MB21D2: variants seen among roughly 807,000 people sequenced by gnomAD.
MB21D2 encodes Mab-21 domain containing 2, also known as nucleotidyltransferase MB21D2.
Under a neutral mutation model 33.3 loss-of-function variants are expected in MB21D2, and 9 were observed. That is an observed-to-expected ratio of 0.27 (90% CI 0.16 to 0.47). The LOEUF (loss-of-function observed/expected upper bound fraction) is 0.47. Ranked by LOEUF, MB21D2 falls within the 20% of genes least tolerant of loss-of-function variation. MB21D2 has a pLI of 0.99. For synonymous variants in MB21D2, 241 were observed against 236.3 expected, an observed-to-expected ratio of 1.02 and a Z score of -0.18; for missense variants, 540 against 624.6, an observed-to-expected ratio of 0.86 and a Z score of 1.44.
At chr3:192,893,532 G>T (rs1713899765) in intron 1 of MB21D2, among the ~76,000 whole-genome samples, 1 of 152,184 alleles carries the variant, frequency 6.6e-6, no homozygotes, top group Non-Finnish European at 1.5e-5. Context: ...AGTGACAGAA[G>T]AAGGCTGCCA....
intron 1 of MB21D2, among the ~76,000 whole-genome samples, chr3:192,873,066 G>A (rs1303288280): frequency 6.6e-6 from 1 of 151,854 alleles, no homozygotes; most frequent in African/African-American, 2.4e-5. Flanking sequence ...ATACACCCTT[G>A]TCCTCTACAC....
intron 1 of MB21D2, among the ~76,000 whole-genome samples, chr3:192,847,989 A>C (rs571872264): frequency 3.3e-4 from 50 of 152,304 alleles, no homozygotes; most frequent in Admixed American, 1.0e-3. Context: ...ACCAACCAAA[A>C]TACATTTATG....
intron 1 of MB21D2, among the ~76,000 whole-genome samples, chr3:192,848,832 A>C (rs1260271768): frequency 1.3e-5 from 2 of 152,240 alleles, no homozygotes; most frequent in African/African-American, 4.8e-5. Flanking sequence ...AAACCCATCC[A>C]GCAAAACCAG....
At chr3:192,892,641 C>T (rs2108647631) in intron 1 of MB21D2, among the ~76,000 whole-genome samples, 1 of 152,206 alleles carries the variant, frequency 6.6e-6, no homozygotes, top group Middle Eastern at 3.4e-3. Context: ...CGGGGTTTCA[C>T]CATGTTGGCC....
chr3:192,831,088 C>T (rs754436051), intron 1 of MB21D2, among the ~76,000 whole-genome samples: 3 of 152,160 alleles, frequency 2.0e-5, no homozygotes, highest in Admixed American at 6.5e-5. Flanking sequence ...AATAGGTAAA[C>T]GTGATAGTAT....
rs533174504 is a variant in MB21D2 at position 192,884,646 on chromosome 3, C to T, written c.211+32984G>A. On this transcript the variant is annotated intron_variant, in intron 1 of 1. Coordinates refer to ENST00000392452, the MANE Select transcript of MB21D2 (RefSeq NM_178496.4). ...CCTCCCAAAGTGCTGGCATTACAGGCGTGAGCCATCGCACCCGGCCAGAGG... is the reference window on the plus strand; with the variant it reads ...CCTCCCAAAGTGCTGGCATTACAGGTGTGAGCCATCGCACCCGGCCAGAGG... 6.0e-4 allele frequency among the ~76,000 whole-genome samples: 92 copies of T among 152,108 alleles called. 1 individual carries two copies. The highest frequency in any genetic ancestry group is 1.9e-3 in the African/African-American group (77 of 41,414).
At chr3:192,882,311 G>A (rs964504203) in intron 1 of MB21D2, among the ~76,000 whole-genome samples, 2 of 152,062 alleles carry the variant, frequency 1.3e-5, no homozygotes, top group Admixed American at 6.5e-5. Flanking sequence ...CCGACCTCAG[G>A]TGATCTGCCT....
intron 1 of MB21D2, among the ~76,000 whole-genome samples, chr3:192,871,024 G>A (rs75991864): frequency 0.014 from 2,170 of 152,206 alleles, 59 homozygotes; most frequent in African/African-American, 0.049. Context: ...TTGTAACATG[G>A]GGATAAGGAC....
At chr3:192,820,092 A>T (rs1428070884) in intron 1 of MB21D2, among the ~76,000 whole-genome samples, 1 of 152,182 alleles carries the variant, frequency 6.6e-6, no homozygotes, top group Non-Finnish European at 1.5e-5. Flanking sequence ...TACATAAATA[A>T]GTGTGTTTGT....
At chr3:192,838,427 A>AC (rs1712492028) in intron 1 of MB21D2, among the ~76,000 whole-genome samples, 1 of 126,612 alleles carries the variant, frequency 7.9e-6, no homozygotes, top group Non-Finnish European at 1.6e-5. Flanking sequence ...TAATCTGTGG[A>AC]CTTTTTTTTT....
At chr3:192,845,680 A>C (rs1451658151) in intron 1 of MB21D2, among the ~76,000 whole-genome samples, 1 of 152,232 alleles carries the variant, frequency 6.6e-6, no homozygotes, top group Non-Finnish European at 1.5e-5. Context: ...GAAATGTCAA[A>C]TATCACTCTG....
At chr3:192,906,645 A>G (rs1406589290) in intron 1 of MB21D2, among the ~76,000 whole-genome samples, 1 of 152,134 alleles carries the variant, frequency 6.6e-6, no homozygotes, top group Non-Finnish European at 1.5e-5. Context: ...CACCATCATC[A>G]TATTCTTTGC....
intron 1 of MB21D2, among the ~76,000 whole-genome samples, chr3:192,875,193 A>G (rs1162493625): frequency 5.3e-5 from 8 of 152,176 alleles, no homozygotes; most frequent in Non-Finnish European, 7.3e-5. Context: ...ATTAGACATC[A>G]TTTATTACTT....
intron 1 of MB21D2, among the ~76,000 whole-genome samples, chr3:192,887,860 G>A (rs1713766470): frequency 6.6e-6 from 1 of 152,022 alleles, no homozygotes. Context: ...CTGGGACCTT[G>A]TGGAGATGCA....
At chr3:192,900,616 G>A (rs1714076613) in intron 1 of MB21D2, among the ~76,000 whole-genome samples, 1 of 151,386 alleles carries the variant, frequency 6.6e-6, no homozygotes, top group East Asian at 1.9e-4. Context: ...ATGAAGATTT[G>A]CTCCCTATTG....
Position 192,835,560 on chromosome 3 carries a change from T to C in MB21D2, c.212-35910A>G, listed in dbSNP as rs181196312. ...TAGGCCCTGATTCCCAAATCACTTA[T>C]AGATTCCAGAAAAAAATGATGACAA... On this transcript the variant is annotated intron_variant, in intron 1 of 1. Coordinates refer to ENST00000392452, the MANE Select transcript of MB21D2 (RefSeq NM_178496.4). Among the ~76,000 whole-genome samples, 343 of 151,906 alleles carry C rather than the reference T, an allele frequency of 2.3e-3. 4 individuals are homozygous for C. In the South Asian group the frequency reaches 0.036, roughly 16 times the overall value.
In MB21D2 at chr3:192,894,319, C is replaced by T. The variant is rs147419272; in HGVS notation, c.211+23311G>A. Among the ~76,000 whole-genome samples, 969 of 151,958 alleles carry T rather than the reference C, an allele frequency of 6.4e-3. 8 individuals are homozygous for T. The highest frequency in any genetic ancestry group is 0.023 in the African/African-American group (936 of 41,446). On this transcript the variant is annotated intron_variant, in intron 1 of 1. Transcript: ENST00000392452. ...GATTTTTTTGTATTTTTAATAGAGA[C>T]GAGGCTTCACCATGTTGGACAGGCT...
At chr3:192,894,698 A>AGC (rs1269022962) in intron 1 of MB21D2, among the ~76,000 whole-genome samples, 1 of 152,110 alleles carries the variant, frequency 6.6e-6, no homozygotes, top group Non-Finnish European at 1.5e-5. Flanking sequence ...ACTAGAGATG[A>AGC]ATCTCCGTCC....
At chr3:192,840,399 C>CT (rs1491247682) in intron 1 of MB21D2, among the ~76,000 whole-genome samples, 4 of 126,142 alleles carry the variant, frequency 3.2e-5, no homozygotes, top group Non-Finnish European at 5.0e-5. Context: ...ATGACAAAGA[C>CT]TTTTTTCTCT....
Sources: gnomAD v4.1 joint callset for allele counts (sites outside exome capture counted in the v4.1 genomes callset) on GRCh38, gnomAD v4.1.1 for gene constraint, MANE v1.5 for transcripts, NCBI Gene and HGNC (gene_info 2026-07-23, HGNC 2026-07-21) for gene names.